DNAH9: variants seen among roughly 807,000 people sequenced by gnomAD.
DNAH9 encodes DNAH9 variant protein.
DNAH9 carries 345 observed loss-of-function variants against 471.6 expected under a neutral mutation model. The observed-to-expected ratio is 0.73, with a 90% confidence interval of 0.67 to 0.80. The LOEUF (loss-of-function observed/expected upper bound fraction) is 0.80. DNAH9 is among the 30% of genes least tolerant of loss of function. The probability of loss-of-function intolerance (pLI) is 0.00; values close to 1 mark genes in which losing one functional copy is unlikely to be tolerated. For missense variants in DNAH9, 5,407 were observed against 5,609.2 expected, an observed-to-expected ratio of 0.96 and a Z score of 1.15; for synonymous variants, 2,093 against 2,123.6, an observed-to-expected ratio of 0.99 and a Z score of 0.40.
intron 62 of DNAH9, 77 bp from the exon 63 acceptor site, chr17:11,929,789 C>T (rs1974444741): frequency 8.0e-7 from 1 of 1,251,848 alleles, no homozygotes; most frequent in African/African-American, 1.5e-5. Context: ...CCTCTGGCTG[C>T]CTTCCTGACA....
chr17:11,939,449 C>T (rs1375376283), intron 66 of DNAH9, among the ~76,000 whole-genome samples: 1 of 152,188 alleles, frequency 6.6e-6, no homozygotes, highest in Non-Finnish European at 1.5e-5. Flanking sequence ...GAACTGTGAT[C>T]ACTTGCCATG....
At chr17:11,860,740 C>T (rs907192634) in intron 50 of DNAH9, among the ~76,000 whole-genome samples, 3 of 151,980 alleles carry the variant, frequency 2.0e-5, no homozygotes, top group Non-Finnish European at 4.4e-5. Context: ...TTTGTATTTT[C>T]AGTAGAGATG....
Position 11,651,105 on chromosome 17 carries a change from C to G in DNAH9, c.2134C>G (p.Pro712Ala), listed in dbSNP as rs762877441. The change falls in exon 13 of 69, where the codon CCC becomes GCC. Residue 712 changes from proline to alanine, a missense_variant. Physicochemically the swap from Pro to Ala is conservative, Grantham distance 27. Transcript: ENST00000262442. Reference protein sequence around the residue: ...SVLKEMSYLEPREMKHMPETA... With the variant: ...SVLKEMSYLEAREMKHMPETA... Reference sequence around the variant, plus strand: ...GCTGAAAGAAATGAGCTATCTTGAACCCAGAGAGATGAAACACATGCCTGA... The same window carrying G: ...GCTGAAAGAAATGAGCTATCTTGAAGCCAGAGAGATGAAACACATGCCTGA... 5 of 1,614,084 alleles carry G rather than the reference C, an allele frequency of 3.1e-6. No homozygotes were observed. The South Asian group carries it at 5.5e-5, about 18-fold the overall frequency.
At chr17:11,929,698 T>TA (rs1974441818) in intron 62 of DNAH9, among the ~76,000 whole-genome samples, 168 bp from the exon 63 acceptor site, 1 of 152,196 alleles carries the variant, frequency 6.6e-6, no homozygotes, top group Non-Finnish European at 1.5e-5. Context: ...ACTGTCCACT[T>TA]AAAAAGGGTT....
At chr17:11,810,180 T>C (rs761289816) in intron 44 of DNAH9, 66 bp from the exon 45 acceptor site, 52 of 1,517,296 alleles carry the variant, frequency 3.4e-5, no homozygotes, top group Non-Finnish European at 4.4e-5. Flanking sequence ...TTCTAAAGAA[T>C]GGGTTGGAGT....
In DNAH9 at chr17:11,598,868, G is replaced by C. The variant is rs776474000; in HGVS notation, c.370G>C (p.Asp124His). The C allele has an allele frequency of 1.3e-6, 2 of 1,544,218 alleles. No individual in the cohort carries two copies. Among genetic ancestry groups the C allele is most frequent in the East Asian group, 2.5e-5 (1 of 39,912 alleles). ...CTTCCGCGGCGCAGTGGTCTGCGGGGACCTGCCCGCGGCACCTCTGGAGCA... is the reference window on the plus strand; with the variant it reads ...CTTCCGCGGCGCAGTGGTCTGCGGGCACCTGCCCGCGGCACCTCTGGAGCA... The part of the protein sequence containing the change: ...DSFRGAVVCG[D>H]LPAAPLEHLA... Residue 124 changes from aspartate to histidine, a missense_variant, in exon 1 of 69, where the codon GAC becomes CAC. Around this residue, in one of 3 missense-constraint regions of DNAH9, gnomAD observed 767 missense variants for 692.5 expected, o/e 1.11. Transcript: ENST00000262442.
intron 49 of DNAH9, among the ~76,000 whole-genome samples, chr17:11,844,756 G>C (rs546252664): frequency 6.6e-6 from 1 of 152,170 alleles, no homozygotes; most frequent in African/African-American, 2.4e-5. Context: ...ACATGTGCAA[G>C]CTTGTGATAT....
In DNAH9 at chr17:11,693,957, C is replaced by A. The variant is rs745506972; in HGVS notation, c.4704C>A (p.Asn1568Lys). The change falls in exon 21 of 69, where the codon AAC becomes AAA. Residue 1568 changes from asparagine (N) to lysine (K), a missense_variant. Coordinates refer to ENST00000262442, the MANE Select transcript of DNAH9 (RefSeq NM_001372.4). ...TTCCAAATGTAGTGCAAACCACCAACAAGCCAGGCCTGTATGAAAAGCTGG... is the reference window on the plus strand; with the variant it reads ...TTCCAAATGTAGTGCAAACCACCAAAAAGCCAGGCCTGTATGAAAAGCTGG... ...QKIPNVVQTT[N>K]KPGLYEKLED... is the part of the protein sequence containing the mutation. 6.2e-7 allele frequency: 1 copy of A among 1,614,162 alleles called. No individual in the cohort carries two copies. Among genetic ancestry groups the A allele is most frequent in the South Asian group, 1.1e-5 (1 of 91,078 alleles).
rs909083806 is a variant in DNAH9 at position 11,747,731 on chromosome 17, G to A, written c.6575G>A (p.Gly2192Asp). 6.2e-6 allele frequency: 10 copies of A among 1,614,072 alleles called. No individual in the cohort carries two copies. Among genetic ancestry groups the A allele is most frequent in the Admixed American group, 3.3e-5 (2 of 60,018 alleles). The change falls in exon 32 of 69, where the codon GGC (glycine) becomes GAC (aspartate). Residue 2192 changes from glycine to aspartate, a missense_variant. Physicochemically the swap from Gly to Asp is moderately conservative, Grantham distance 94. Around this residue, in one of 3 missense-constraint regions of DNAH9, gnomAD observed 4,636 missense variants for 4,900.3 expected, o/e 0.95. Coordinates refer to ENST00000262442, the MANE Select transcript of DNAH9 (RefSeq NM_001372.4). ...GCAGTCACAAATGATGAGCTCTTTG[G>A]CATCATCAATCCAGCCACAGGAGAA... ...PKAVTNDELF[G>D]IINPATGEWK... is the part of the protein sequence containing the mutation.
rs542776351 is a variant in DNAH9, at chr17:11,686,207, TC to T, written c.3744-3358del. On this transcript the variant is annotated intron_variant, in intron 19 of 68. Transcript: ENST00000262442. ...TTACCAACAGGCAATTTCCCAGGAA[TC>T]AATTTAGCTCACTTATTCCTCTCTC... is the stretch of plus-strand genomic sequence containing the variant. Among the ~76,000 whole-genome samples, 59 of 152,220 alleles carry T rather than the reference TC, an allele frequency of 3.9e-4. 4 individuals are homozygous for T. In the South Asian group the frequency reaches 0.012, roughly 31 times the overall value.
At chr17:11,731,340 A>G (rs1305902519) in intron 28 of DNAH9, among the ~76,000 whole-genome samples, 1 of 151,782 alleles carries the variant, frequency 6.6e-6, no homozygotes, top group African/African-American at 2.4e-5. Flanking sequence ...GAGAAGTAGA[A>G]GCCGGGATAC....
rs2074144790 is a variant in DNAH9 at position 11,682,204 on chromosome 17, T to C, written c.3743+1315T>C. The stretch of plus-strand genomic sequence containing the variant: ...TTTTACACACTTGTCCTTCCCTGTC[T>C]CTTAACATACTCATCTTACTCTCTG... On this transcript the variant is annotated intron_variant, in intron 19 of 68. Coordinates refer to ENST00000262442, the MANE Select transcript of DNAH9 (RefSeq NM_001372.4). 2.0e-5 allele frequency among the ~76,000 whole-genome samples: 3 copies of C among 152,030 alleles called. No homozygotes were observed. In the South Asian group the frequency reaches 6.2e-4, roughly 32 times the overall value.
At chr17:11,860,840 G>C (rs193175491) in intron 50 of DNAH9, among the ~76,000 whole-genome samples, 13 of 151,908 alleles carry the variant, frequency 8.6e-5, no homozygotes, top group Non-Finnish European at 1.5e-4. Flanking sequence ...GGATTACAGG[G>C]GTGAGCCACT....
chr17:11,925,326 C>T (rs1974285888), intron 62 of DNAH9: 2 of 387,704 alleles, frequency 5.2e-6, no homozygotes, highest in Non-Finnish European at 1.0e-5. Flanking sequence ...CTACCATGAA[C>T]CTCCCCCATC....
chr17:11,885,971 T>G (rs1972865073), intron 56 of DNAH9, among the ~76,000 whole-genome samples: 1 of 152,234 alleles, frequency 6.6e-6, no homozygotes, highest in African/African-American at 2.4e-5. Flanking sequence ...AGAAGCATAG[T>G]CTAACAGAAA....
Position 11,892,044 on chromosome 17 carries a change from C to A in DNAH9, c.11283+97C>A. On this transcript the variant is annotated intron_variant, in intron 58 of 68. Transcript: ENST00000262442. This position sits in a 1 kb window ranked among gnomAD's most constrained non-coding sequence, Gnocchi z 4.3. ...TTTCTTCTTTGAACATCACTTTCCA[C>A]AGCATGTCCAGACTATCTGTCTTTG... 7.3e-7 allele frequency: 1 copy of A among 1,369,952 alleles called. No homozygotes were observed. The highest frequency in any genetic ancestry group is 1.0e-6 in the Non-Finnish European group (1 of 983,592). 84.9% of individuals were successfully genotyped at this position (1,369,952 alleles called of 1,614,324 possible). A position where few individuals can be genotyped will look rare whatever the true frequency, so the allele number is the denominator to read the frequency against.
intron 49 of DNAH9, among the ~76,000 whole-genome samples, chr17:11,835,902 G>GC (rs758428807): frequency 8.5e-5 from 13 of 152,114 alleles, no homozygotes; most frequent in Admixed American, 3.3e-4. Flanking sequence ...GCTCTAAGAG[G>GC]CCCCCCATGC....
chr17:11,841,681 G>A (rs1487497370), intron 49 of DNAH9, among the ~76,000 whole-genome samples: 6 of 152,102 alleles, frequency 3.9e-5, no homozygotes, highest in Admixed American at 1.3e-4. Context: ...AACTGTTTTA[G>A]GATAAAGATC....
intron 31 of DNAH9, among the ~76,000 whole-genome samples, chr17:11,746,456 G>A (rs1249435593): frequency 6.6e-6 from 1 of 152,156 alleles, no homozygotes; most frequent in Admixed American, 6.5e-5. Context: ...GAAATGAAGT[G>A]TAAGATCAGA....
Sources: gnomAD v4.1 joint callset for allele counts (sites outside exome capture counted in the v4.1 genomes callset) on GRCh38, gnomAD v4.1.1 for gene constraint, gnomAD v4.1.1 regional missense constraint, Gnocchi (gnomAD v3.1) non-coding constraint, MANE v1.5 for transcripts, NCBI Gene and HGNC (gene_info 2026-07-23, HGNC 2026-07-21) for gene names.